WWOX: variants seen among roughly 807,000 people sequenced by gnomAD.
WWOX encodes WW domain containing oxidoreductase.
WWOX carries 69 observed loss-of-function variants against 46.2 expected under a neutral mutation model. The ratio of observed to expected loss-of-function variants is 1.49; its 90% CI spans 1.23 to 1.82. WWOX has a LOEUF of 1.82. Ranked by LOEUF, WWOX falls within the 40% of genes most tolerant of loss-of-function variation. The pLI, the probability that WWOX is intolerant of heterozygous loss-of-function variation, is 0.00. For missense variants in WWOX, 919 were observed against 542.6 expected, an observed-to-expected ratio of 1.69 and a Z score of -6.89; for synonymous variants, 359 against 202.6, an observed-to-expected ratio of 1.77 and a Z score of -6.56.
At chr16:79,074,112 G>A (rs1028115348) in intron 8 of WWOX, among the ~76,000 whole-genome samples, 5 of 152,014 alleles carry the variant, frequency 3.3e-5, no homozygotes, top group African/African-American at 1.2e-4. Context: ...TTCTTTTACC[G>A]GCTGACTAGA....
At chr16:78,835,668 C>T (rs1341946606) in intron 8 of WWOX, among the ~76,000 whole-genome samples, 1 of 152,214 alleles carries the variant, frequency 6.6e-6, no homozygotes, top group East Asian at 1.9e-4. Flanking sequence ...TGCCTAAGAA[C>T]ACACAGCAGT....
At chr16:78,946,843 C>T (rs1195758939) in intron 8 of WWOX, among the ~76,000 whole-genome samples, 1 of 152,106 alleles carries the variant, frequency 6.6e-6, no homozygotes, top group Non-Finnish European at 1.5e-5. Flanking sequence ...AAGAGGGCGT[C>T]ACGGTGTAAG....
chr16:78,994,931 A>C (rs1265174593), intron 8 of WWOX, among the ~76,000 whole-genome samples: 4 of 148,564 alleles, frequency 2.7e-5, no homozygotes, highest in African/African-American at 9.9e-5. Flanking sequence ...ATGAGGTGCA[A>C]GCCTTTTTTT....
chr16:78,232,852 T>TTTTCTTTTC (rs1567444956), intron 5 of WWOX, among the ~76,000 whole-genome samples: 1 of 151,094 alleles, frequency 6.6e-6, no homozygotes, highest in Non-Finnish European at 1.5e-5. Context: ...TTTTCTTTTC[T>TTTTCTTTTC]TTTTTTTTAA....
chr16:78,821,132 G>A lies in WWOX; in HGVS notation c.1056+388380G>A, dbSNP rs76640997. Among the ~76,000 whole-genome samples, 750 of 152,272 alleles carry A rather than the reference G, an allele frequency of 4.9e-3. 8 individuals carry two copies. The highest frequency in any genetic ancestry group is 0.017 in the African/African-American group (697 of 41,562). On this transcript the variant is annotated intron_variant, in intron 8 of 8. Coordinates refer to ENST00000566780, the MANE Select transcript of WWOX (RefSeq NM_016373.4). ...TTGAACCCACTGCACTGCATCAAAC[G>A]TATGGGTGTGCTTTCTCTTGGCCTT...
At chr16:78,641,940 G>A (rs1485491912) in intron 8 of WWOX, among the ~76,000 whole-genome samples, 1 of 151,946 alleles carries the variant, frequency 6.6e-6, no homozygotes, top group Non-Finnish European at 1.5e-5. Context: ...TCGCAGACAC[G>A]GAAAAAAGGA....
intron 8 of WWOX, among the ~76,000 whole-genome samples, chr16:78,946,015 C>T (rs2045942162): frequency 2.0e-5 from 3 of 152,128 alleles, no homozygotes; most frequent in African/African-American, 7.2e-5. Flanking sequence ...CCAAAAGAGC[C>T]GCTGATCTGC....
chr16:78,194,274 T>C (rs2151766861), intron 5 of WWOX, among the ~76,000 whole-genome samples: 1 of 152,226 alleles, frequency 6.6e-6, no homozygotes, highest in South Asian at 2.1e-4. Context: ...TGATAGGTTT[T>C]TCTTTCTGTT....
intron 8 of WWOX, among the ~76,000 whole-genome samples, chr16:78,794,670 C>T (rs553062427): frequency 1.3e-5 from 2 of 152,374 alleles, no homozygotes; most frequent in South Asian, 4.1e-4. Flanking sequence ...ATAGCTGTTG[C>T]TGTCATTCCT....
At chr16:78,770,712 T>C (rs1197526212) in intron 8 of WWOX, among the ~76,000 whole-genome samples, 1 of 128,528 alleles carries the variant, frequency 7.8e-6, no homozygotes, top group Non-Finnish European at 1.6e-5. Flanking sequence ...CTATGGGAGC[T>C]TCGCACCAGA....
intron 8 of WWOX, among the ~76,000 whole-genome samples, chr16:79,176,696 A>G (rs2011189): frequency 0.49 from 73,703 of 151,652 alleles, 18,794 homozygotes; most frequent in East Asian, 0.9. Flanking sequence ...TCTTCATTTT[A>G]TGATAGAATA....
intron 4 of WWOX, among the ~76,000 whole-genome samples, chr16:78,124,493 T>TG (rs1182122898): frequency 1.3e-5 from 2 of 152,304 alleles, no homozygotes; most frequent in Non-Finnish European, 1.5e-5. Context: ...AAAATAAGGT[T>TG]GGGGTCACTA....
intron 8 of WWOX, among the ~76,000 whole-genome samples, chr16:78,795,442 C>T (rs1163630339): frequency 1.3e-5 from 2 of 152,078 alleles, no homozygotes; most frequent in Non-Finnish European, 1.5e-5. Flanking sequence ...CCATGGACTA[C>T]AACTAGTACT....
chr16:78,865,296 A>G (rs1037912541), intron 8 of WWOX, among the ~76,000 whole-genome samples: 12 of 151,938 alleles, frequency 7.9e-5, no homozygotes, highest in African/African-American at 2.2e-4. Flanking sequence ...TTCCTTGCCA[A>G]TCTCATAAAT....
At position 78,452,378 on chromosome 16, in the gene WWOX, G is replaced by C. The variant is rs191313765; in HGVS notation, c.1056+19626G>C. On this transcript the variant is annotated intron_variant, in intron 8 of 8. Coordinates refer to ENST00000566780, the MANE Select transcript of WWOX (RefSeq NM_016373.4). ...CAGTCTGCCAGCAGACCAGATGGCA[G>C]ATCTTTTAATTAGATATGTTTGTGT... is the stretch of plus-strand genomic sequence containing the variant. Among the ~76,000 whole-genome samples the C allele has an allele frequency of 8.6e-5, 13 of 151,856 alleles. No homozygotes were observed. In the East Asian group the frequency reaches 2.1e-3, roughly 25 times the overall value.
At chr16:78,998,202 C>G (rs1032073933) in intron 8 of WWOX, among the ~76,000 whole-genome samples, 106 of 152,284 alleles carry the variant, frequency 7.0e-4, no homozygotes, top group African/African-American at 2.5e-3. Context: ...TTTAAGAAAA[C>G]TGCACCATGA....
chr16:78,242,652 T>C (rs2037692615), intron 5 of WWOX, among the ~76,000 whole-genome samples: 1 of 152,158 alleles, frequency 6.6e-6, no homozygotes, highest in African/African-American at 2.4e-5. Context: ...CCGAGCCTTC[T>C]CTCCTCTCTG....
intron 8 of WWOX, among the ~76,000 whole-genome samples, chr16:78,766,582 T>C (rs1176830797): frequency 6.6e-6 from 1 of 152,186 alleles, no homozygotes; most frequent in African/African-American, 2.4e-5. Flanking sequence ...AGGGAGAGCT[T>C]GTCTCCTTGT....
intron 8 of WWOX, among the ~76,000 whole-genome samples, chr16:79,041,231 G>A (rs1263628661): frequency 2.0e-5 from 3 of 152,090 alleles, no homozygotes; most frequent in African/African-American, 2.4e-5. Flanking sequence ...CTTTGCACTC[G>A]TGTGATGTCT....
Sources: allele counts gnomAD v4.1 joint callset (sites outside exome capture counted in the v4.1 genomes callset), GRCh38; gene constraint gnomAD v4.1.1; transcripts MANE v1.5; gene names NCBI Gene and HGNC (gene_info 2026-07-23, HGNC 2026-07-21).